Variants in PLOD1 observed in about 807,000 individuals in gnomAD.
PLOD1 encodes lysine hydroxylase.
In PLOD1, 70 loss-of-function variants were observed where a neutral mutation model predicts 94.7. That is an observed-to-expected ratio of 0.74 (90% confidence interval 0.61 to 0.90). The LOEUF is 0.90. Ranked by LOEUF, PLOD1 falls within the 40% of genes least tolerant of loss-of-function variation. The pLI is 0.00. For synonymous variants in PLOD1, 417 were observed against 400.2 expected, an observed-to-expected ratio of 1.04 and a Z score of -0.50; for missense variants, 905 against 972.7, an observed-to-expected ratio of 0.93 and a Z score of 0.93.
rs1363365819 is a variant in PLOD1, at chr1:11,963,181, AAC to A, written c.1098-347_1098-346del. ...AGTCCTGTACCAGATAAACAAAAGT[AAC>A]ACAGATTTTTAAGGCTTTTGGTACA... On this transcript the variant is annotated intron_variant, in intron 10 of 18. Coordinates refer to ENST00000196061, the MANE Select transcript of PLOD1 (RefSeq NM_000302.4). This position sits in a 1 kb window ranked among gnomAD's most constrained non-coding sequence, Gnocchi z 4.3. Among the ~76,000 whole-genome samples the A allele has an allele frequency of 2.0e-5, 3 of 152,228 alleles. No homozygotes were observed. Among genetic ancestry groups the A allele is most frequent in the African/African-American group, 4.8e-5 (2 of 41,454 alleles).
chr1:11,934,945 G>A (rs1645568244), intron 1 of PLOD1, 90 bp downstream of exon 1: 9 of 1,448,700 alleles, frequency 6.2e-6, no homozygotes, highest in Non-Finnish European at 8.3e-6. Flanking sequence ...TGAATGGGAG[G>A]CCTGGGCTGG....
In PLOD1 at chr1:11,950,481, C is replaced by G. The variant is rs1645692563; in HGVS notation, c.427C>G (p.Pro143Ala). The G allele has an allele frequency of 6.2e-7, 1 of 1,614,024 alleles. No individual in the cohort carries two copies. Among genetic ancestry groups the G allele is most frequent in the East Asian group, 2.2e-5 (1 of 44,898 alleles). The change falls in exon 4 of 19, where the codon CCG becomes GCG. Residue 143 changes from proline (P) to alanine (A), a missense_variant. Coordinates refer to ENST00000196061, the MANE Select transcript of PLOD1 (RefSeq NM_000302.4). ...YPDRRLETKY[P>A]VVSDGKRFLG... The stretch of plus-strand genomic sequence containing the variant: ...AGACCGCAGGCTGGAGACCAAGTAT[C>G]CGGTGGTGTCCGATGGCAAGAGGTT...
intron 17 of PLOD1, 62 bp downstream of exon 17, chr1:11,970,878 G>T (rs1645858309): frequency 2.6e-6 from 4 of 1,533,480 alleles, no homozygotes; most frequent in Non-Finnish European, 3.5e-6. Flanking sequence ...CAGTGGAGTG[G>T]CTGGGACTGG....
chr1:11,958,004 G>C lies in PLOD1; in HGVS notation c.843+61G>C. 1 of 1,037,070 alleles carries C rather than the reference G, an allele frequency of 9.6e-7. No homozygotes were observed. Among genetic ancestry groups the C allele is most frequent in the Non-Finnish European group, 1.5e-6 (1 of 653,492 alleles). 64.2% of individuals were successfully genotyped at this position (1,037,070 alleles called of 1,614,324 possible). ...GGGGGGCTCAGTCCCCTGAGATGGC[G>C]AGATGGGTGATTCTGGAATAGACTC... On this transcript the variant is annotated intron_variant, in intron 8 of 18. Transcript: ENST00000196061. This position sits in a 1 kb window ranked among gnomAD's most constrained non-coding sequence, Gnocchi z 4.3.
At chr1:11,940,647 C>T (rs1052296121) in intron 1 of PLOD1, among the ~76,000 whole-genome samples, 11 of 152,290 alleles carry the variant, frequency 7.2e-5, no homozygotes, top group South Asian at 2.1e-4. Context: ...TCCTGGATCA[C>T]GGGTTCATCT....
At chr1:11,946,771 GT>G (rs1420356537) in intron 1 of PLOD1, among the ~76,000 whole-genome samples, 1 of 152,198 alleles carries the variant, frequency 6.6e-6, no homozygotes, top group African/African-American at 2.4e-5. Context: ...GTATTTGTCT[GT>G]TTTATGTTGC....
intron 13 of PLOD1, 126 bp from the exon 14 acceptor site, chr1:11,965,354 T>C (rs1645808428): frequency 2.9e-6 from 2 of 682,630 alleles, no homozygotes; most frequent in Non-Finnish European, 5.3e-6. Context: ...TGGTCTCTGA[T>C]ATTGGGAACT....
chr1:11,955,402 C>A (rs1224389032), intron 6 of PLOD1, among the ~76,000 whole-genome samples: 5 of 152,176 alleles, frequency 3.3e-5, no homozygotes, highest in Non-Finnish European at 7.3e-5. Flanking sequence ...GCAAGTCACA[C>A]CTCCTCCCCA....
At chr1:11,935,011 A>C (rs989753313) in intron 1 of PLOD1, among the ~76,000 whole-genome samples, 156 bp downstream of exon 1, 16 of 152,166 alleles carry the variant, frequency 1.1e-4, no homozygotes, top group Non-Finnish European at 1.8e-4. Flanking sequence ...ACTTGAACAA[A>C]TCACTTCCCC....
rs886045213 is a variant in PLOD1, at chr1:11,975,116, C to A, written c.*308C>A. The A allele has an allele frequency of 2.9e-5, 13 of 449,862 alleles. No individual in the cohort carries two copies. Among genetic ancestry groups the A allele is most frequent in the Non-Finnish European group, 4.5e-5 (11 of 243,416 alleles). The allele number at this position is 449,862 out of a possible 1,614,324, so 27.9% of individuals were successfully genotyped here. ...CTGAAAAACCAAGGCCCCCTTCCCC[C>A]ACCTCTTCCATGGGGTGAGACTTGA... On this transcript the variant is annotated 3_prime_UTR_variant, in exon 19 of 19. Transcript: ENST00000196061.
intron 16 of PLOD1, among the ~76,000 whole-genome samples, chr1:11,969,685 G>A (rs903146526): frequency 6.6e-6 from 1 of 152,196 alleles, no homozygotes. Flanking sequence ...TGTCAGCTGG[G>A]GTTGGGGTCT....
rs1645567456 is a variant in PLOD1, at chr1:11,934,873, G to A, written c.76+18G>A. 6.5e-7 allele frequency: 1 copy of A among 1,532,406 alleles called. No homozygotes were observed. The highest frequency in any genetic ancestry group is 1.4e-5 in the African/African-American group (1 of 72,314). 94.9% of individuals were successfully genotyped at this position (1,532,406 alleles called of 1,614,324 possible). On this transcript the variant is annotated intron_variant, in intron 1 of 18. Coordinates refer to ENST00000196061, the MANE Select transcript of PLOD1 (RefSeq NM_000302.4). ...GCCGGAGGGTGAGGGAGCGAAGGCC[G>A]GGGGCGGGAGCGCGGATCCGGGCGG...
chr1:11,944,033 A>G (rs1645632636), intron 1 of PLOD1, among the ~76,000 whole-genome samples: 1 of 152,126 alleles, frequency 6.6e-6, no homozygotes, highest in Non-Finnish European at 1.5e-5. Flanking sequence ...TGAGTTTGCG[A>G]CCAGCCTGGC....
In PLOD1 at chr1:11,946,347, A is replaced by AG. The variant is rs781115289; in HGVS notation, c.77-1629_77-1628insG. 3.9e-5 allele frequency among the ~76,000 whole-genome samples: 6 copies of AG among 152,284 alleles called. No homozygotes were observed. The East Asian group carries it at 5.8e-4, about 15-fold the overall frequency. On this transcript the variant is annotated intron_variant, in intron 1 of 18. Coordinates refer to ENST00000196061, the MANE Select transcript of PLOD1 (RefSeq NM_000302.4). ...TTCTGTTGCAGAGGCAGGCCACACTACAGAGCCTGGGAGAGGTTCCTTGTT... is the reference window on the plus strand; with the variant it reads ...TTCTGTTGCAGAGGCAGGCCACACTAGCAGAGCCTGGGAGAGGTTCCTTGTT...
At position 11,944,418 on chromosome 1, in the gene PLOD1, C is replaced by T. The variant is rs921166581; in HGVS notation, c.77-3558C>T. 322 of 642,828 alleles carry T rather than the reference C, an allele frequency of 5.0e-4. 6 individuals carry two copies. The highest frequency in any genetic ancestry group is 1.4e-3 in the South Asian group (86 of 61,462). The allele number at this position is 642,828 out of a possible 1,614,324, so 39.8% of individuals were successfully genotyped here. The stretch of plus-strand genomic sequence containing the variant: ...TCAAGAATCCTGAATTGCGCATGCA[C>T]GCGTACACACACACACACACACACA... On this transcript the variant is annotated intron_variant, in intron 1 of 18. Coordinates refer to ENST00000196061, the MANE Select transcript of PLOD1 (RefSeq NM_000302.4).
In PLOD1 at chr1:11,974,982, G is replaced by A. The variant is rs138612687; in HGVS notation, c.*174G>A. 39 of 718,608 alleles carry A rather than the reference G, an allele frequency of 5.4e-5. No individual in the cohort carries two copies. The highest frequency in any genetic ancestry group is 4.5e-4 in the East Asian group (17 of 37,554). The allele number at this position is 718,608 out of a possible 1,614,324, so 44.5% of individuals were successfully genotyped here. ...AAAGAGATTCCTGCAGGCCAGAGGC[G>A]GAACACACCTTTATGGCTGGGGCTC... On this transcript the variant is annotated 3_prime_UTR_variant, in exon 19 of 19. Coordinates refer to ENST00000196061, the MANE Select transcript of PLOD1 (RefSeq NM_000302.4).
At chr1:11,974,149 G>T (rs970146676) in intron 18 of PLOD1, among the ~76,000 whole-genome samples, 1 of 151,782 alleles carries the variant, frequency 6.6e-6, no homozygotes, top group African/African-American at 2.4e-5. Context: ...GGTGATGTCT[G>T]CCCAGGGCTG....
chr1:11,956,546 C>CG (rs1645739047), intron 6 of PLOD1, among the ~76,000 whole-genome samples: 1 of 152,122 alleles, frequency 6.6e-6, no homozygotes, highest in Non-Finnish European at 1.5e-5. Flanking sequence ...AGAGAAGGCG[C>CG]GTCCCAGACC....
chr1:11,957,151 C>T lies in PLOD1; in HGVS notation c.741+137C>T, dbSNP rs572160581. The T allele has an allele frequency of 1.0e-5, 8 of 772,230 alleles. No homozygotes were observed. The highest frequency in any genetic ancestry group is 1.7e-5 in the African/African-American group (1 of 58,932). The allele number at this position is 772,230 out of a possible 1,614,324, so 47.8% of individuals were successfully genotyped here. A position where few individuals can be genotyped will look rare whatever the true frequency, so the allele number is the denominator to read the frequency against. On this transcript the variant is annotated intron_variant, in intron 7 of 18. Transcript: ENST00000196061. This position sits in a 1 kb window ranked among gnomAD's most constrained non-coding sequence, Gnocchi z 4.1. The stretch of plus-strand genomic sequence containing the variant: ...GCTATGAACTCACTGCCTCTGTCCT[C>T]ACATCTGAGCTCAGCGTGATGCCTT...
Sources: gnomAD v4.1 joint callset for allele counts (sites outside exome capture counted in the v4.1 genomes callset) on GRCh38, gnomAD v4.1.1 for gene constraint, Gnocchi (gnomAD v3.1) non-coding constraint, MANE v1.5 for transcripts, NCBI Gene and HGNC (gene_info 2026-07-23, HGNC 2026-07-21) for gene names.